RNF144A: variants seen among roughly 807,000 people sequenced by gnomAD.
The protein encoded by RNF144A is E3 ubiquitin-protein ligase RNF144A.
RNF144A carries 11 observed loss-of-function variants against 38.7 expected under a neutral mutation model. The observed-to-expected ratio is 0.28, with a 90% confidence interval of 0.18 to 0.47. The LOEUF (loss-of-function observed/expected upper bound fraction) is 0.47. RNF144A is among the 20% of genes least tolerant of loss of function. The pLI is 0.99. For synonymous variants in RNF144A, 149 were observed against 143.9 expected, an observed-to-expected ratio of 1.04 and a Z score of -0.25; for missense variants, 316 against 377.2, an observed-to-expected ratio of 0.84 and a Z score of 1.34.
At chr2:6,947,439 A>C (rs1356838788) in intron 2 of RNF144A, among the ~76,000 whole-genome samples, 1 of 152,184 alleles carries the variant, frequency 6.6e-6, no homozygotes. Flanking sequence ...ATGAAGTAAA[A>C]ATTATGTCAG....
downstream of RNF144A, among the ~76,000 whole-genome samples, chr2:7,070,471 A>G (rs1373212706): frequency 1.3e-5 from 2 of 152,240 alleles, no homozygotes. Flanking sequence ...TTCTACTACT[A>G]GTATGAGCCT....
intron 2 of RNF144A, among the ~76,000 whole-genome samples, chr2:6,976,610 GAT>G (rs1198568359): frequency 6.8e-6 from 1 of 147,536 alleles, no homozygotes; most frequent in Non-Finnish European, 1.5e-5. Flanking sequence ...CATATATAAT[GAT>G]ATATGTCATA....
chr2:7,011,459 G>A (rs368831), intron 3 of RNF144A, among the ~76,000 whole-genome samples: 40,556 of 152,170 alleles, frequency 0.27, 6,657 homozygotes, highest in Admixed American at 0.36. Flanking sequence ...AGCCACATGT[G>A]GGTTTGAGCC....
chr2:6,978,903 G>A (rs1668463090), intron 2 of RNF144A: 2 of 152,740 alleles, frequency 1.3e-5, no homozygotes, highest in African/African-American at 4.8e-5. Flanking sequence ...CAAAGGGATG[G>A]AGCACTGGAT....
At chr2:6,988,882 A>G (rs1669154467) in intron 2 of RNF144A, among the ~76,000 whole-genome samples, 2 of 151,918 alleles carry the variant, frequency 1.3e-5, no homozygotes, top group South Asian at 4.2e-4. Flanking sequence ...GCTCATGGGT[A>G]TATATTTTCT....
intron 6 of RNF144A, 51 bp from the exon 7 acceptor site, chr2:7,024,318 G>C: frequency 1.3e-6 from 2 of 1,516,842 alleles, no homozygotes; most frequent in Non-Finnish European, 1.8e-6. Context: ...GTGCTCCTGG[G>C]TCTCCCGTGG....
chr2:6,920,663 A>G (rs975272246), intron 1 of RNF144A, among the ~76,000 whole-genome samples: 5 of 152,222 alleles, frequency 3.3e-5, no homozygotes, highest in South Asian at 2.1e-4. Context: ...TCTCTGGGGA[A>G]TTTTCTAACA....
At chr2:6,972,052 C>T (rs545011971) in intron 2 of RNF144A, among the ~76,000 whole-genome samples, 2 of 152,074 alleles carry the variant, frequency 1.3e-5, no homozygotes, top group East Asian at 3.9e-4. Context: ...CTGTCTCCCC[C>T]CAGGGTTCCG....
downstream of RNF144A, chr2:7,044,208 C>T (rs951601838): frequency 1.0e-6 from 1 of 982,968 alleles, no homozygotes; most frequent in Non-Finnish European, 1.2e-6. Flanking sequence ...TTTGTAGATG[C>T]TTATCTGACT....
intron 2 of RNF144A, among the ~76,000 whole-genome samples, chr2:6,954,713 G>A (rs1666892433): frequency 6.6e-6 from 1 of 152,206 alleles, no homozygotes. Flanking sequence ...AGGCACAAGA[G>A]ATTTTCAGTG....
chr2:7,039,839 A>G lies in RNF144A; in HGVS notation c.*79A>G. 1 of 1,557,718 alleles carries G rather than the reference A, an allele frequency of 6.4e-7. No homozygotes were observed. Among genetic ancestry groups the G allele is most frequent in the East Asian group, 2.3e-5 (1 of 43,430 alleles). On this transcript the variant is annotated 3_prime_UTR_variant, in exon 9 of 9. Transcript: ENST00000320892. ...CAACCCTCCCCACCGTCCCCCCTTC[A>G]CTAAACATCTTTCTTGCCTTATGTG...
intron 2 of RNF144A, among the ~76,000 whole-genome samples, chr2:6,964,670 G>C (rs1439525107): frequency 6.6e-6 from 1 of 152,130 alleles, no homozygotes; most frequent in African/African-American, 2.4e-5. Context: ...GTCCTTTGTA[G>C]GGACATGGAT....
chr2:6,936,511 T>C (rs1234043281), intron 1 of RNF144A, among the ~76,000 whole-genome samples: 1 of 152,234 alleles, frequency 6.6e-6, no homozygotes, highest in Non-Finnish European at 1.5e-5. Flanking sequence ...TTTCAGCTGC[T>C]GCTATTTTAG....
chr2:7,042,675 T>C lies in RNF144A; in HGVS notation c.*2915T>C, dbSNP rs1187464010. On this transcript the variant is annotated 3_prime_UTR_variant, in exon 9 of 9. Transcript: ENST00000320892. ...TAGTCCATAGCCCAGCCAGATGAGC[T>C]TGCAGCCTCATAGGAGGTCAGCACC... The C allele has an allele frequency of 1.0e-6, 1 of 985,368 alleles. No individual in the cohort carries two copies. The highest frequency in any genetic ancestry group is 1.7e-5 in the African/African-American group (1 of 57,254). 61.0% of individuals were successfully genotyped at this position (985,368 alleles called of 1,614,324 possible).
intron 1 of RNF144A, among the ~76,000 whole-genome samples, chr2:6,936,778 C>G (rs1665613701): frequency 6.6e-6 from 1 of 151,912 alleles, no homozygotes; most frequent in Admixed American, 6.6e-5. Flanking sequence ...GACAAGCACA[C>G]TGTTAGGAAA....
chr2:7,005,489 C>T (rs557989122), intron 3 of RNF144A, among the ~76,000 whole-genome samples: 1 of 152,268 alleles, frequency 6.6e-6, no homozygotes, highest in Admixed American at 6.5e-5. Context: ...CTTTAGGGTG[C>T]AAAGGATGAG....
chr2:6,936,607 G>A (rs1306301828), intron 1 of RNF144A, among the ~76,000 whole-genome samples: 2 of 152,134 alleles, frequency 1.3e-5, no homozygotes, highest in Non-Finnish European at 2.9e-5. Context: ...CACACACTTG[G>A]TGAAAGAAAG....
At chr2:6,950,690 A>G (rs747580597) in intron 2 of RNF144A, among the ~76,000 whole-genome samples, 1 of 152,236 alleles carries the variant, frequency 6.6e-6, no homozygotes, top group Non-Finnish European at 1.5e-5. Flanking sequence ...TTTAAAATTT[A>G]TGCCTTTCTT....
At chr2:7,028,652 GAGCTCTTCTC>G (rs1443690697) in intron 7 of RNF144A, among the ~76,000 whole-genome samples, 1 of 152,200 alleles carries the variant, frequency 6.6e-6, no homozygotes, top group Non-Finnish European at 1.5e-5. Flanking sequence ...AATGGAGAAT[GAGCTCTTCTC>G]AGTGGTGTGT....
Sources: allele counts gnomAD v4.1 joint callset (sites outside exome capture counted in the v4.1 genomes callset), GRCh38; gene constraint gnomAD v4.1.1; transcripts MANE v1.5; gene names NCBI Gene and HGNC (gene_info 2026-07-23, HGNC 2026-07-21).